Variants in RANBP2 observed in about 807,000 individuals in gnomAD.
The protein encoded by RANBP2 is RAN binding protein 2, also known as E3 SUMO-protein ligase RanBP2.
Under a neutral mutation model 303.6 loss-of-function variants are expected in RANBP2, and 57 were observed. The ratio of observed to expected loss-of-function variants is 0.19; its 90% CI spans 0.15 to 0.23. The LOEUF (loss-of-function observed/expected upper bound fraction) is 0.23. Among genes scored for constraint, RANBP2 ranks in the 10% least tolerant of loss-of-function variants. RANBP2 has a pLI of 1.00. For synonymous variants in RANBP2, 1,167 were observed against 1,301.5 expected (o/e 0.90, Z 2.23); for missense variants, 3,138 against 3,780.8 (o/e 0.83, Z 4.46).
chr2:109,562,426 G>T, the RANBP2 span, among the ~76,000 whole-genome samples: 1 of 149,792 alleles, frequency 6.7e-6, no homozygotes, highest in Non-Finnish European at 1.5e-5. Flanking sequence ...CCCCTCAACA[G>T]AGACTCTACA....
At chr2:108,732,428 G>GCTCT (rs1323791696) in intron 4 of RANBP2, among the ~76,000 whole-genome samples, 1 of 152,094 alleles carries the variant, frequency 6.6e-6, no homozygotes, top group African/African-American at 2.4e-5. Context: ...GATTTGGGAT[G>GCTCT]CTCTACCTGC....
chr2:108,809,412 A>G, the RANBP2 span, among the ~76,000 whole-genome samples: 1 of 150,764 alleles, frequency 6.6e-6, no homozygotes, highest in African/African-American at 2.4e-5. Context: ...GGTTATTTTG[A>G]CAGTATTAAT....
chr2:108,872,917 C>T, the RANBP2 span, among the ~76,000 whole-genome samples: 2 of 152,074 alleles, frequency 1.3e-5, no homozygotes, highest in East Asian at 3.9e-4. Context: ...ACATAAAAGT[C>T]CAGAGTCTCA....
chr2:109,418,052 A>G, the RANBP2 span, among the ~76,000 whole-genome samples: 12 of 152,050 alleles, frequency 7.9e-5, no homozygotes, highest in African/African-American at 2.9e-4. Context: ...CGCTCACCTG[A>G]GGACACACAC....
the RANBP2 span, among the ~76,000 whole-genome samples, chr2:109,475,070 C>G: frequency 6.6e-6 from 1 of 152,192 alleles, no homozygotes; most frequent in Non-Finnish European, 1.5e-5. Flanking sequence ...CTCCACCTCC[C>G]AGGTTCGAGC....
chr2:108,794,335 G>C, the RANBP2 span, among the ~76,000 whole-genome samples: 1 of 151,730 alleles, frequency 6.6e-6, no homozygotes, highest in Admixed American at 6.5e-5. Flanking sequence ...AAGTTGCAAA[G>C]ATAGTGCAAT....
chr2:109,090,248 G>T, the RANBP2 span, among the ~76,000 whole-genome samples: 2 of 151,394 alleles, frequency 1.3e-5, no homozygotes, highest in South Asian at 4.2e-4. Flanking sequence ...GCATGTGGAG[G>T]CAGGGAGTGT....
At chr2:109,471,114 G>T in the RANBP2 span, among the ~76,000 whole-genome samples, 1 of 151,296 alleles carries the variant, frequency 6.6e-6, no homozygotes, top group Non-Finnish European at 1.5e-5. Flanking sequence ...CAGCTACTTG[G>T]GAGGCTGAGA....
the RANBP2 span, among the ~76,000 whole-genome samples, chr2:108,913,143 G>C: frequency 6.6e-6 from 1 of 151,972 alleles, no homozygotes. Context: ...TAGAGACGGG[G>C]TTTCACCATG....
chr2:109,026,045 G>A, the RANBP2 span, among the ~76,000 whole-genome samples: 1 of 152,084 alleles, frequency 6.6e-6, no homozygotes, highest in African/African-American at 2.4e-5. Flanking sequence ...AGAGCAGGTG[G>A]GAAGAGACAG....
the RANBP2 span, among the ~76,000 whole-genome samples, chr2:109,246,507 A>G: frequency 1.3e-5 from 2 of 152,214 alleles, no homozygotes. Context: ...GACTTTTAGG[A>G]TGACACATAC....
At chr2:109,422,271 T>C in the RANBP2 span, among the ~76,000 whole-genome samples, 1 of 152,188 alleles carries the variant, frequency 6.6e-6, no homozygotes, top group East Asian at 1.9e-4. Flanking sequence ...AGGGCCCAGA[T>C]GGGGCTGATG....
the RANBP2 span, among the ~76,000 whole-genome samples, chr2:109,152,009 TATTTA>T: frequency 6.6e-6 from 1 of 152,248 alleles, no homozygotes; most frequent in Non-Finnish European, 1.5e-5. Context: ...CCCAGCTGAT[TATTTA>T]AATTTCCCAA....
the RANBP2 span, among the ~76,000 whole-genome samples, chr2:109,447,862 T>C: frequency 1.3e-5 from 2 of 152,364 alleles, no homozygotes; most frequent in South Asian, 4.1e-4. Context: ...TTGTTTTTGC[T>C]GGCAGCAAGG....
chr2:109,545,799 G>A, the RANBP2 span: 3 of 1,424,782 alleles, frequency 2.1e-6, no homozygotes, highest in Admixed American at 8.7e-5. Context: ...ACACTGTGAT[G>A]TATTTTTATT....
chr2:108,738,057 A>G (rs1695758614), intron 6 of RANBP2, among the ~76,000 whole-genome samples: 1 of 146,994 alleles, frequency 6.8e-6, no homozygotes, highest in Admixed American at 6.8e-5. Context: ...ACAGGGTTTC[A>G]TCATGTTGGC....
At chr2:109,569,873 A>C in the RANBP2 span, among the ~76,000 whole-genome samples, 1 of 152,162 alleles carries the variant, frequency 6.6e-6, no homozygotes, top group Non-Finnish European at 1.5e-5. Flanking sequence ...TTCCATGTCA[A>C]GCAGTCGAAT....
At chr2:109,421,604 G>C in the RANBP2 span, among the ~76,000 whole-genome samples, 1 of 152,202 alleles carries the variant, frequency 6.6e-6, no homozygotes, top group African/African-American at 2.4e-5. Flanking sequence ...CGCCTGCCCT[G>C]GGGGACAGGG....
intron 16 of RANBP2, 45 bp downstream of exon 16, chr2:108,755,129 G>T (rs781123936): frequency 1.2e-6 from 2 of 1,611,796 alleles, no homozygotes; most frequent in Non-Finnish European, 1.7e-6. Flanking sequence ...AATTGTTTCT[G>T]TTCTAAGTGT....
Sources: gnomAD v4.1 joint callset for allele counts (sites outside exome capture counted in the v4.1 genomes callset) on GRCh38, gnomAD v4.1.1 for gene constraint, MANE v1.5 for transcripts, NCBI Gene and HGNC (gene_info 2026-07-23, HGNC 2026-07-21) for gene names.